Variants in XRCC4 observed in about 807,000 individuals in gnomAD.
XRCC4 encodes DNA repair protein XRCC4.
A neutral mutation model predicts 39.1 loss-of-function variants in XRCC4; 28 were observed. That is an observed-to-expected ratio of 0.72 (90% CI 0.53 to 0.98). The LOEUF is 0.98. Among genes scored for constraint, XRCC4 ranks in the 50% least tolerant of loss-of-function variants. The pLI, the probability that XRCC4 is intolerant of heterozygous loss-of-function variation, is 0.00. For synonymous variants in XRCC4, 123 were observed against 126.4 expected (o/e 0.97, Z 0.18); for missense variants, 350 against 376.4 (o/e 0.93, Z 0.58).
intron 1 of XRCC4, among the ~76,000 whole-genome samples, chr5:83,082,197 C>T (rs1744974594): frequency 6.6e-6 from 1 of 152,124 alleles, no homozygotes; most frequent in Non-Finnish European, 1.5e-5. Context: ...CCTTGCCTCC[C>T]TACAGTCTAT....
chr5:83,348,236 C>T (rs1028807656), intron 7 of XRCC4, among the ~76,000 whole-genome samples: 1 of 152,124 alleles, frequency 6.6e-6, no homozygotes, highest in Non-Finnish European at 1.5e-5. Context: ...AGGCAGTGTC[C>T]CTTTGAGGGC....
chr5:83,245,432 A>C (rs550985208), intron 6 of XRCC4, among the ~76,000 whole-genome samples: 1 of 152,198 alleles, frequency 6.6e-6, no homozygotes, highest in South Asian at 2.1e-4. Flanking sequence ...GTAGATTTTT[A>C]AATAATTTAT....
At chr5:83,104,204 A>G (rs947319949) in intron 1 of XRCC4, among the ~76,000 whole-genome samples, 43 of 152,240 alleles carry the variant, frequency 2.8e-4, no homozygotes, top group East Asian at 2.3e-3. Flanking sequence ...TAGACAAGGC[A>G]TGACTGGATA....
the XRCC4 span, among the ~76,000 whole-genome samples, chr5:83,360,170 T>A: frequency 0.029 from 4,447 of 152,280 alleles, 184 homozygotes; most frequent in Middle Eastern, 0.11. Flanking sequence ...AGTTATAGCA[T>A]TTTTATGTTA....
intron 6 of XRCC4, among the ~76,000 whole-genome samples, chr5:83,250,374 A>G (rs535749861): frequency 6.6e-6 from 1 of 152,334 alleles, no homozygotes; most frequent in Admixed American, 6.5e-5. Flanking sequence ...ACACAGATGC[A>G]AAATAACTTG....
intron 7 of XRCC4, among the ~76,000 whole-genome samples, chr5:83,309,297 ATATATATAT>A (rs1173660628): frequency 1.3e-4 from 7 of 53,548 alleles, no homozygotes; most frequent in African/African-American, 6.6e-4. Flanking sequence ...AAAAAAAAAA[ATATATATAT>A]ATATATATAT....
At chr5:83,334,663 G>A (rs1479054753) in intron 7 of XRCC4, among the ~76,000 whole-genome samples, 2 of 147,932 alleles carry the variant, frequency 1.4e-5, no homozygotes, top group African/African-American at 5.0e-5. Flanking sequence ...TACATTATAT[G>A]TATGTGTGTG....
At chr5:83,090,039 C>T (rs758452886) in intron 1 of XRCC4, among the ~76,000 whole-genome samples, 4 of 152,134 alleles carry the variant, frequency 2.6e-5, no homozygotes, top group Non-Finnish European at 5.9e-5. Flanking sequence ...AAGCTGTTCA[C>T]ATCTCCTTGT....
chr5:83,309,278 A>T (rs1362558324), intron 7 of XRCC4, among the ~76,000 whole-genome samples: 17 of 114,290 alleles, frequency 1.5e-4, no homozygotes, highest in African/African-American at 6.5e-4. Flanking sequence ...AAAAAAAAAA[A>T]AAAAAAAAAA....
intron 3 of XRCC4, among the ~76,000 whole-genome samples, chr5:83,175,681 T>G (rs1166731327): frequency 6.6e-6 from 1 of 152,182 alleles, no homozygotes; most frequent in African/African-American, 2.4e-5. Flanking sequence ...TCATCTCGGC[T>G]TACTGCAACC....
intron 7 of XRCC4, among the ~76,000 whole-genome samples, chr5:83,270,950 T>C (rs774467048): frequency 6.6e-6 from 1 of 151,948 alleles, no homozygotes; most frequent in Non-Finnish European, 1.5e-5. Context: ...CATGCCCAGC[T>C]AATTTTTGTA....
chr5:83,362,391 T>C, the XRCC4 span, among the ~76,000 whole-genome samples: 8,667 of 151,278 alleles, frequency 0.057, 346 homozygotes, highest in African/African-American at 0.12. Context: ...AAAGATAAAA[T>C]TGGAATTCTT....
intron 7 of XRCC4, among the ~76,000 whole-genome samples, chr5:83,351,724 G>A (rs1334721472): frequency 6.6e-6 from 1 of 152,168 alleles, no homozygotes; most frequent in Non-Finnish European, 1.5e-5. Flanking sequence ...TGATGATGTT[G>A]TCTGAAATTG....
chr5:83,297,788 C>T (rs1755145409), intron 7 of XRCC4, among the ~76,000 whole-genome samples: 1 of 151,760 alleles, frequency 6.6e-6, no homozygotes, highest in African/African-American at 2.4e-5. Flanking sequence ...TCTTTTCATG[C>T]ACGCTTCAAG....
At chr5:83,115,085 C>G (rs2112418608) in intron 3 of XRCC4, among the ~76,000 whole-genome samples, 1 of 152,224 alleles carries the variant, frequency 6.6e-6, no homozygotes, top group Non-Finnish European at 1.5e-5. Context: ...GACCCACCCC[C>G]ATGATTCGAT....
At chr5:83,361,328 G>A in the XRCC4 span, among the ~76,000 whole-genome samples, 1 of 152,142 alleles carries the variant, frequency 6.6e-6, no homozygotes, top group Non-Finnish European at 1.5e-5. Context: ...GTCTGATGCT[G>A]TCCTAAAGAT....
chr5:83,120,225 A>G (rs1435276488), intron 3 of XRCC4, among the ~76,000 whole-genome samples: 1 of 152,242 alleles, frequency 6.6e-6, no homozygotes, highest in Non-Finnish European at 1.5e-5. Context: ...TGCTGAAAGT[A>G]TAAGTGAGTT....
intron 3 of XRCC4, among the ~76,000 whole-genome samples, chr5:83,180,520 A>G (rs1379271713): frequency 6.6e-6 from 1 of 152,174 alleles, no homozygotes; most frequent in Admixed American, 6.5e-5. Flanking sequence ...GTCTTTCTCC[A>G]CTTTGAGAGA....
intron 3 of XRCC4, among the ~76,000 whole-genome samples, chr5:83,170,591 T>G (rs1217644252): frequency 6.6e-6 from 1 of 152,108 alleles, no homozygotes; most frequent in South Asian, 2.1e-4. Context: ...TGCTCTCAGC[T>G]CCTAGAGGCC....
Sources: gnomAD v4.1 joint callset for allele counts (sites outside exome capture counted in the v4.1 genomes callset) on GRCh38, gnomAD v4.1.1 for gene constraint, MANE v1.5 for transcripts, NCBI Gene and HGNC (gene_info 2026-07-23, HGNC 2026-07-21) for gene names.